The following EPHA5 variants were observed in gnomAD, a reference collection of about 807,000 sequenced individuals.
The protein encoded by EPHA5 is EPH receptor A5.
In EPHA5, 60 loss-of-function variants were observed where a neutral mutation model predicts 105.0. The observed-to-expected ratio is 0.57, with a 90% CI of 0.46 to 0.71. The LOEUF (loss-of-function observed/expected upper bound fraction) is 0.71. Ranked by LOEUF, EPHA5 falls within the 30% of genes least tolerant of loss-of-function variation. EPHA5 has a pLI of 0.00. For missense variants in EPHA5, 1,218 were observed against 1,274.7 expected (o/e 0.96, Z 0.68); for synonymous variants, 513 against 449.1 (o/e 1.14, Z -1.80).
intron 3 of EPHA5, among the ~76,000 whole-genome samples, chr4:65,546,549 G>A (rs1029959794): frequency 1.3e-5 from 2 of 151,802 alleles, no homozygotes; most frequent in African/African-American, 4.8e-5. Context: ...AGTTCAATAT[G>A]TTCTGAGTGA....
At chr4:65,383,483 A>G (rs889496256) in intron 8 of EPHA5, among the ~76,000 whole-genome samples, 3 of 151,908 alleles carry the variant, frequency 2.0e-5, no homozygotes, top group Non-Finnish European at 2.9e-5. Context: ...CTACCAGTAA[A>G]AACAAAGCAA....
At chr4:65,611,524 CAA>C (rs5858974) in intron 2 of EPHA5, among the ~76,000 whole-genome samples, 7,234 of 117,766 alleles carry the variant, frequency 0.061, 469 homozygotes, top group African/African-American at 0.19. Context: ...GTTGTTCTGG[CAA>C]AAAAAAAAAA....
chr4:65,403,400 C>CT (rs75643626), intron 8 of EPHA5, among the ~76,000 whole-genome samples: 83,884 of 151,004 alleles, frequency 0.56, 24,999 homozygotes, highest in South Asian at 0.69. Context: ...TACATTTTCA[C>CT]TTTTTTTTGC....
chr4:65,376,752 C>T (rs1188030172), intron 8 of EPHA5, among the ~76,000 whole-genome samples: 1 of 151,892 alleles, frequency 6.6e-6, no homozygotes, highest in Non-Finnish European at 1.5e-5. Context: ...TCGTAACTCC[C>T]TAGTTTAAAT....
intron 3 of EPHA5, among the ~76,000 whole-genome samples, chr4:65,588,531 C>G (rs1742337393): frequency 6.6e-6 from 1 of 152,128 alleles, no homozygotes; most frequent in South Asian, 2.1e-4. Flanking sequence ...TTGGCTAAGA[C>G]TTTCCCCTTC....
intron 8 of EPHA5, among the ~76,000 whole-genome samples, chr4:65,371,806 T>C (rs768616383): frequency 6.6e-6 from 1 of 151,962 alleles, no homozygotes; most frequent in Non-Finnish European, 1.5e-5. Flanking sequence ...CCTAAATAAT[T>C]TTTTTCACCT....
At chr4:65,545,992 C>T (rs573099050) in intron 3 of EPHA5, among the ~76,000 whole-genome samples, 13 of 151,968 alleles carry the variant, frequency 8.6e-5, no homozygotes, top group African/African-American at 3.1e-4. Context: ...ATTTCCAGGC[C>T]ATAAGGTCTC....
chr4:65,532,159 C>T (rs970722499), intron 3 of EPHA5, among the ~76,000 whole-genome samples: 1 of 151,920 alleles, frequency 6.6e-6, no homozygotes, highest in Non-Finnish European at 1.5e-5. Flanking sequence ...TTTAAAAATC[C>T]TGCATAAATT....
chr4:65,628,570 G>C (rs1245973421), intron 2 of EPHA5, among the ~76,000 whole-genome samples: 1 of 151,948 alleles, frequency 6.6e-6, no homozygotes, highest in East Asian at 1.9e-4. Flanking sequence ...AAAAATAAAC[G>C]TTATAAGATG....
chr4:65,602,088 A>G lies in EPHA5; in HGVS notation c.463T>C (p.Tyr155His). 6.2e-7 allele frequency: 1 copy of G among 1,614,136 alleles called. No homozygotes were observed. The highest frequency in any genetic ancestry group is 8.5e-7 in the Non-Finnish European group (1 of 1,180,004). Residue 155 changes from tyrosine (Y) to histidine (H), a missense_variant, in exon 3 of 17, where the codon TAC (tyrosine) becomes CAC (histidine). Tyr to His is a moderately conservative substitution (Grantham distance 83, BLOSUM62 2). Around this residue, in one of 3 missense-constraint regions of EPHA5, gnomAD observed 233 missense variants for 227.5 expected, o/e 1.02. Coordinates refer to ENST00000613740, the MANE Select transcript of EPHA5 (RefSeq NM_001281766.3). ...CCATTCTGATCATCTGACTCAAAGT[A>G]ATACATATTAAAGGTTTCCTTACAG... ...GTCKETFNMYYFESDDQNGRN... is the reference protein window; with the variant it reads ...GTCKETFNMYHFESDDQNGRN...
In EPHA5 at chr4:65,320,668, A is replaced by G. The variant is rs190570491; in HGVS notation, c.*3446T>C. The G allele has an allele frequency of 9.1e-4, 209 of 230,026 alleles. 1 individual carries two copies. Among genetic ancestry groups the G allele is most frequent in the African/African-American group, 4.2e-3 (192 of 45,246 alleles). 14.2% of individuals were successfully genotyped at this position (230,026 alleles called of 1,614,324 possible). A position where few individuals can be genotyped will look rare whatever the true frequency, so the allele number is the denominator to read the frequency against. ...TGTTAAAAATATTTTACTTTCACAT[A>G]CAGATTAAGTAGAAGACATGAAAAC... On this transcript the variant is annotated 3_prime_UTR_variant, in exon 17 of 17. Transcript: ENST00000613740.
At chr4:65,561,217 CTT>C (rs1370334323) in intron 3 of EPHA5, among the ~76,000 whole-genome samples, 1 of 151,716 alleles carries the variant, frequency 6.6e-6, no homozygotes, top group African/African-American at 2.4e-5. Flanking sequence ...TCCCCTTGTT[CTT>C]AAAAATAAAT....
chr4:65,635,241 T>A (rs1028286149), intron 2 of EPHA5, among the ~76,000 whole-genome samples: 1 of 152,124 alleles, frequency 6.6e-6, no homozygotes. Context: ...TAGGGTTACT[T>A]TTTCTTTCTC....
chr4:65,362,810 A>C (rs1717455915), intron 11 of EPHA5, among the ~76,000 whole-genome samples: 1 of 151,710 alleles, frequency 6.6e-6, no homozygotes, highest in Non-Finnish European at 1.5e-5. Context: ...GTAAAATATA[A>C]TATGTTTACA....
chr4:65,667,914 G>C (rs988296506), intron 1 of EPHA5, among the ~76,000 whole-genome samples: 6 of 152,012 alleles, frequency 3.9e-5, no homozygotes, highest in Non-Finnish European at 8.8e-5. Flanking sequence ...GTTAATAAAA[G>C]AGCCTCCTCC....
intron 3 of EPHA5, among the ~76,000 whole-genome samples, chr4:65,536,749 T>TAA (rs770690309): frequency 6.5e-5 from 9 of 138,966 alleles, no homozygotes; most frequent in African/African-American, 1.6e-4. Context: ...ATCTAAAATA[T>TAA]AAAAAAAAAA....
chr4:65,592,528 AAAAAG>A (rs900864653), intron 3 of EPHA5, among the ~76,000 whole-genome samples: 1 of 152,134 alleles, frequency 6.6e-6, no homozygotes, highest in Non-Finnish European at 1.5e-5. Context: ...AAGAAAAAAG[AAAAAG>A]AAAAGAAAAG....
intron 14 of EPHA5, among the ~76,000 whole-genome samples, chr4:65,343,839 A>G (rs1344247745): frequency 7.6e-6 from 1 of 132,124 alleles, no homozygotes; most frequent in Admixed American, 8.1e-5. Flanking sequence ...AAACCAAGTA[A>G]AAGCCAAAAT....
chr4:65,411,078 G>A (rs1421305934), intron 7 of EPHA5, among the ~76,000 whole-genome samples: 1 of 151,792 alleles, frequency 6.6e-6, no homozygotes, highest in East Asian at 1.9e-4. Flanking sequence ...TTGAGAATGG[G>A]GGTAATGTAA....
Sources: allele counts gnomAD v4.1 joint callset (sites outside exome capture counted in the v4.1 genomes callset), GRCh38; gene constraint gnomAD v4.1.1; regional missense constraint gnomAD v4.1.1; transcripts MANE v1.5; gene names NCBI Gene and HGNC (gene_info 2026-07-23, HGNC 2026-07-21).